RCOR1: variants seen among roughly 807,000 people sequenced by gnomAD.
RCOR1 encodes the protein REST corepressor.
In RCOR1, 12 loss-of-function variants were observed where a neutral mutation model predicts 64.0. The ratio of observed to expected loss-of-function variants is 0.19; its 90% CI spans 0.12 to 0.30. The LOEUF (loss-of-function observed/expected upper bound fraction) is 0.30, where lower values mean the gene tolerates loss of function less well. RCOR1 is among the 10% of genes least tolerant of loss of function. The pLI, the probability that RCOR1 is intolerant of heterozygous loss-of-function variation, is 1.00. For synonymous variants in RCOR1, 279 were observed against 227.2 expected, an observed-to-expected ratio of 1.23 and a Z score of -2.05; for missense variants, 502 against 621.2, an observed-to-expected ratio of 0.81 and a Z score of 2.04.
chr14:102,689,666 A>G (rs114347042), intron 3 of RCOR1, among the ~76,000 whole-genome samples: 44 of 152,314 alleles, frequency 2.9e-4, no homozygotes, highest in African/African-American at 1.0e-3. Context: ...AAATGAGGAA[A>G]AACTGGTCCA....
chr14:102,592,958 C>T lies in RCOR1; in HGVS notation c.72C>T (p.Ser24=). Residue 24 remains serine, a synonymous_variant, in exon 1 of 12, where the codon TCC becomes TCT. Transcript: ENST00000262241. ...GAGGGAGGAACAACGCGGCCGCCTC[C>T]GCCTCCGCCGCCGCCGCCTCCGCCG... ...KRRGRNNAAA[S]ASAAAASAAA... is the part of the protein sequence containing the mutation. 8 of 1,173,486 alleles carry T rather than the reference C, an allele frequency of 6.8e-6. No homozygotes were observed. Among genetic ancestry groups the T allele is most frequent in the African/African-American group, 6.6e-5 (4 of 60,996 alleles). 72.7% of individuals were successfully genotyped at this position (1,173,486 alleles called of 1,614,324 possible).
chr14:102,710,132 G>A (rs1006173531), intron 6 of RCOR1, among the ~76,000 whole-genome samples: 1 of 152,232 alleles, frequency 6.6e-6, no homozygotes, highest in East Asian at 1.9e-4. Context: ...TCTTTCCTCA[G>A]CTAGAGCTTC....
In RCOR1 at chr14:102,714,426, C is replaced by T; in HGVS notation, c.862C>T (p.Pro288Ser). The T allele has an allele frequency of 6.3e-7, 1 of 1,595,308 alleles. No individual in the cohort carries two copies. ...ATCACCTGTGTATATCATGCAGGTT[C>T]CCCCTACTGAGACAGTTCCTCAGGT... The part of the protein sequence containing the change: ...DQNKESKKEV[P>S]PTETVPQVKK... The change falls in exon 8 of 12, where the codon CCC becomes TCC. Residue 288 changes from proline (P) to serine (S), a missense_variant. Physicochemically the swap from Pro to Ser is moderately conservative, Grantham distance 74. Coordinates refer to ENST00000262241, the MANE Select transcript of RCOR1 (RefSeq NM_015156.4).
chr14:102,677,964 C>T lies in RCOR1; in HGVS notation c.362-3931C>T, dbSNP rs1444769493. 4.0e-5 allele frequency among the ~76,000 whole-genome samples: 6 copies of T among 151,516 alleles called. No individual in the cohort carries two copies. The South Asian group carries it at 8.4e-4, about 21-fold the overall frequency. Reference sequence around the variant, plus strand: ...CTGCAATCCCGGCACCTCGGGAGGCCGAGGCTGGCGGATCACTCGCGGTTA... The same window carrying T: ...CTGCAATCCCGGCACCTCGGGAGGCTGAGGCTGGCGGATCACTCGCGGTTA... On this transcript the variant is annotated intron_variant, in intron 2 of 11. Transcript: ENST00000262241.
At chr14:102,659,442 C>T (rs1263708169) in intron 2 of RCOR1, 1 of 216,110 alleles carries the variant, frequency 4.6e-6, no homozygotes, top group Non-Finnish European at 7.9e-6. Context: ...TGCAAAGTGG[C>T]AGAATACCAG....
intron 2 of RCOR1, among the ~76,000 whole-genome samples, chr14:102,679,309 T>A (rs2093259): frequency 0.37 from 56,546 of 151,666 alleles, 11,630 homozygotes; most frequent in African/African-American, 0.55. Context: ...CAAATTTTTT[T>A]AAAAAAATGT....
intron 5 of RCOR1, 34 bp from the exon 6 acceptor site, chr14:102,708,431 T>A (rs747054052): frequency 5.0e-6 from 6 of 1,204,248 alleles, no homozygotes; most frequent in African/African-American, 4.5e-5. Context: ...ATTACTTTTT[T>A]ATTTAAATAA....
At chr14:102,699,464 A>T (rs2139976864) in intron 3 of RCOR1, among the ~76,000 whole-genome samples, 1 of 152,154 alleles carries the variant, frequency 6.6e-6, no homozygotes, top group East Asian at 1.9e-4. Context: ...CTTCTATAAG[A>T]GTTGGAATTC....
chr14:102,726,489 T>C lies in RCOR1; in HGVS notation c.1441T>C (p.Tyr481His), dbSNP rs759504866. Reference sequence around the variant, plus strand: ...TCAGGCTCCTGTTCTGGATGTCAGATATGCATCTGCCTCCTGAGAAACTGG... The same window carrying C: ...TCAGGCTCCTGTTCTGGATGTCAGACATGCATCTGCCTCCTGAGAAACTGG... Reference protein sequence around the residue: ...EDEAPVLDVRYASAS With the variant: ...EDEAPVLDVRHASAS The change falls in exon 12 of 12, where the codon TAT (tyrosine) becomes CAT (histidine). Residue 481 changes from tyrosine to histidine, a missense_variant. Tyr to His is a moderately conservative substitution (Grantham distance 83, BLOSUM62 2). Coordinates refer to ENST00000262241, the MANE Select transcript of RCOR1 (RefSeq NM_015156.4). 17 of 1,601,408 alleles carry C rather than the reference T, an allele frequency of 1.1e-5. No individual in the cohort carries two copies. Among genetic ancestry groups the C allele is most frequent in the Non-Finnish European group, 1.4e-5 (17 of 1,177,514 alleles).
At chr14:102,594,762 G>T (rs989587676) in intron 2 of RCOR1, among the ~76,000 whole-genome samples, 3 of 151,880 alleles carry the variant, frequency 2.0e-5, no homozygotes, top group Non-Finnish European at 4.4e-5. Flanking sequence ...CCGTTCCTTG[G>T]TTGGCCACCA....
chr14:102,705,113 C>T (rs1188607724), intron 4 of RCOR1, among the ~76,000 whole-genome samples: 1 of 149,678 alleles, frequency 6.7e-6, no homozygotes, highest in Non-Finnish European at 1.5e-5. Flanking sequence ...AACTCTATAT[C>T]AACAACAACA....
chr14:102,604,952 C>T (rs1744488288), intron 2 of RCOR1, among the ~76,000 whole-genome samples: 1 of 151,648 alleles, frequency 6.6e-6, no homozygotes, highest in Admixed American at 6.6e-5. Flanking sequence ...GGCTATAATC[C>T]CAGCATTTTG....
chr14:102,606,976 C>T (rs1032888809), intron 2 of RCOR1, among the ~76,000 whole-genome samples: 1 of 147,856 alleles, frequency 6.8e-6, no homozygotes, highest in African/African-American at 2.5e-5. Flanking sequence ...CTCTGTCGCC[C>T]AGGCTGGAGT....
At chr14:102,642,406 G>T (rs557965721) in intron 2 of RCOR1, among the ~76,000 whole-genome samples, 1 of 152,308 alleles carries the variant, frequency 6.6e-6, no homozygotes, top group Admixed American at 6.5e-5. Flanking sequence ...TCCATAGAAT[G>T]TTGTTGAATG....
At chr14:102,705,651 G>A (rs898556927) in intron 4 of RCOR1, among the ~76,000 whole-genome samples, 2 of 151,986 alleles carry the variant, frequency 1.3e-5, no homozygotes, top group African/African-American at 2.4e-5. Flanking sequence ...TAGATTCATG[G>A]TCTTGCTAAG....
intron 2 of RCOR1, among the ~76,000 whole-genome samples, chr14:102,596,250 C>A (rs191930029): frequency 2.0e-5 from 3 of 151,740 alleles, no homozygotes; most frequent in Non-Finnish European, 4.4e-5. Flanking sequence ...TACAGGCATG[C>A]GCCACCATGC....
intron 2 of RCOR1, among the ~76,000 whole-genome samples, chr14:102,672,509 G>GC (rs1895050918): frequency 2.0e-5 from 3 of 152,122 alleles, no homozygotes; most frequent in Admixed American, 1.3e-4. Flanking sequence ...ACCACGCCCG[G>GC]CCTCTGGGTT....
chr14:102,609,716 G>A (rs1289566493), intron 2 of RCOR1, among the ~76,000 whole-genome samples: 1 of 151,910 alleles, frequency 6.6e-6, no homozygotes, highest in Non-Finnish European at 1.5e-5. Flanking sequence ...CAAAGTGCTG[G>A]GATTACAGGC....
chr14:102,646,818 T>G (rs190920179), intron 2 of RCOR1, among the ~76,000 whole-genome samples: 1 of 152,346 alleles, frequency 6.6e-6, no homozygotes, highest in East Asian at 1.9e-4. Flanking sequence ...TTCAGATGGT[T>G]GTGTGCACAC....
Sources: gnomAD v4.1 joint callset for allele counts (sites outside exome capture counted in the v4.1 genomes callset) on GRCh38, gnomAD v4.1.1 for gene constraint, MANE v1.5 for transcripts, NCBI Gene and HGNC (gene_info 2026-07-23, HGNC 2026-07-21) for gene names.